Variants in ASTN1 observed in about 807,000 individuals in gnomAD.
ASTN1 encodes the protein astrotactin 1.
ASTN1 carries 41 observed loss-of-function variants against 140.7 expected under a neutral mutation model. The ratio of observed to expected loss-of-function variants is 0.29; its 90% confidence interval spans 0.23 to 0.38. The LOEUF is 0.38. Ranked by LOEUF, ASTN1 falls within the 10% of genes least tolerant of loss-of-function variation. The pLI, the probability that ASTN1 is intolerant of heterozygous loss-of-function variation, is 1.00. For missense variants in ASTN1, 1,479 were observed against 1,678.8 expected (o/e 0.88, Z 2.08); for synonymous variants, 640 against 652.2 (o/e 0.98, Z 0.29).
intron 8 of ASTN1, among the ~76,000 whole-genome samples, chr1:176,994,120 C>A (rs1029406270): frequency 6.6e-6 from 1 of 151,602 alleles, no homozygotes; most frequent in Non-Finnish European, 1.5e-5. Flanking sequence ...CGCCACCCAC[C>A]AATGAGAACT....
At chr1:177,014,467 A>G (rs1384970808) in intron 8 of ASTN1, among the ~76,000 whole-genome samples, 1 of 152,180 alleles carries the variant, frequency 6.6e-6, no homozygotes, top group African/African-American at 2.4e-5. Flanking sequence ...ATGTGTCTCC[A>G]ACAAAATCAT....
chr1:177,046,074 T>G (rs1411783217), intron 2 of ASTN1, among the ~76,000 whole-genome samples: 1 of 152,190 alleles, frequency 6.6e-6, no homozygotes, highest in African/African-American at 2.4e-5. Context: ...AAATTTGGCT[T>G]AACAGGAGAA....
intron 8 of ASTN1, among the ~76,000 whole-genome samples, chr1:176,988,601 A>C (rs202192597): frequency 1.3e-5 from 2 of 152,224 alleles, no homozygotes; most frequent in East Asian, 3.8e-4. Context: ...TCTACCCTTG[A>C]ATATGAAGCT....
intron 16 of ASTN1, among the ~76,000 whole-genome samples, chr1:176,911,224 G>A (rs1392954946): frequency 2.0e-5 from 3 of 152,190 alleles, no homozygotes; most frequent in African/African-American, 7.2e-5. Flanking sequence ...TCCAGGACTG[G>A]AAGCTGCCCT....
At chr1:177,028,481 C>T (rs1034044030) in intron 5 of ASTN1, among the ~76,000 whole-genome samples, 1 of 152,156 alleles carries the variant, frequency 6.6e-6, no homozygotes, top group Non-Finnish European at 1.5e-5. Flanking sequence ...AGGGCTTCTT[C>T]AAATCTCTGG....
At chr1:176,969,019 C>T (rs1434043385) in intron 8 of ASTN1, among the ~76,000 whole-genome samples, 5 of 152,146 alleles carry the variant, frequency 3.3e-5, no homozygotes, top group South Asian at 2.1e-4. Context: ...CAGGAAAAGG[C>T]GGGGCAAAGT....
intron 8 of ASTN1, among the ~76,000 whole-genome samples, chr1:177,006,253 G>T (rs1166424682): frequency 6.6e-6 from 1 of 152,108 alleles, no homozygotes; most frequent in Non-Finnish European, 1.5e-5. Flanking sequence ...GTGATTATGA[G>T]AGAGAACAAA....
rs555523537 is a variant in ASTN1 at position 177,004,225 on chromosome 1, C to T, written c.1523+10566G>A. On this transcript the variant is annotated intron_variant, in intron 8 of 22. Coordinates refer to ENST00000361833, the MANE Select transcript of ASTN1 (RefSeq NM_004319.3). ...AAGAACTCAATCTCTTTTACAATAG[C>T]GACAAAAAAAAAATACCTAGGAAAA... Among the ~76,000 whole-genome samples, 43 of 150,836 alleles carry T rather than the reference C, an allele frequency of 2.9e-4. 1 individual carries two copies. Among genetic ancestry groups the T allele is most frequent in the African/African-American group, 9.5e-4 (39 of 41,194 alleles).
At chr1:176,960,684 G>C (rs1169182252) in intron 9 of ASTN1, among the ~76,000 whole-genome samples, 1 of 152,164 alleles carries the variant, frequency 6.6e-6, no homozygotes, top group Non-Finnish European at 1.5e-5. Context: ...GGCTTCTTCT[G>C]CTTCTTTTTT....
At chr1:177,108,347 C>CG (rs1680649403) in intron 1 of ASTN1, among the ~76,000 whole-genome samples, 1 of 98,598 alleles carries the variant, frequency 1.0e-5, no homozygotes, top group Non-Finnish European at 2.0e-5. Context: ...GACTCCGTCT[C>CG]AAAAAAAAAA....
At chr1:177,127,111 T>C (rs1681693531) in intron 1 of ASTN1, among the ~76,000 whole-genome samples, 1 of 151,756 alleles carries the variant, frequency 6.6e-6, no homozygotes, top group Non-Finnish European at 1.5e-5. Context: ...TAGGTCACAC[T>C]CACATGGGCT....
chr1:176,915,683 C>T (rs1670449339), intron 16 of ASTN1, among the ~76,000 whole-genome samples: 1 of 152,058 alleles, frequency 6.6e-6, no homozygotes, highest in Non-Finnish European at 1.5e-5. Context: ...CATCTATAAA[C>T]ATGAAAACAC....
chr1:176,918,646 G>C (rs1670595245), intron 16 of ASTN1, among the ~76,000 whole-genome samples: 1 of 152,036 alleles, frequency 6.6e-6, no homozygotes, highest in Admixed American at 6.6e-5. Context: ...TTTCTTCTCT[G>C]TGTCCTTTCC....
chr1:177,034,921 GT>G (rs1378249400), intron 2 of ASTN1, among the ~76,000 whole-genome samples: 1 of 152,164 alleles, frequency 6.6e-6, no homozygotes, highest in Non-Finnish European at 1.5e-5. Context: ...TAAACACTAT[GT>G]TTTTTGCTCA....
chr1:177,069,139 G>A (rs146071971), intron 1 of ASTN1, among the ~76,000 whole-genome samples: 1 of 152,114 alleles, frequency 6.6e-6, no homozygotes, highest in African/African-American at 2.4e-5. Context: ...AGGAGTGGCT[G>A]TATTGAAACT....
rs775870499 is a variant in ASTN1, at chr1:176,936,344, C to A, written c.2404G>T (p.Gly802Trp). Reference protein sequence around the residue: ...TGMVNFSEVSGYPVLQHWKVR... With the variant: ...TGMVNFSEVSWYPVLQHWKVR... ...TTCCAGTGCTGCAGCACAGGGTACC[C>A]AGACACTTCACTGAAGTTCACCATC... is the stretch of plus-strand genomic sequence containing the variant. Residue 802 changes from glycine (G) to tryptophan (W), a missense_variant, in exon 15 of 23, where the codon GGG becomes TGG. By Grantham distance (184) the Gly-to-Trp change is radical. Transcript: ENST00000361833. The A allele has an allele frequency of 2.5e-6, 4 of 1,613,120 alleles. No homozygotes were observed. Among genetic ancestry groups the A allele is most frequent in the Non-Finnish European group, 2.5e-6 (3 of 1,179,944 alleles).
intron 8 of ASTN1, 144 bp downstream of exon 8, chr1:177,014,647 G>A (rs1675451868): frequency 3.0e-6 from 2 of 676,868 alleles, no homozygotes; most frequent in South Asian, 4.0e-5. Flanking sequence ...AATATGGAAA[G>A]GCATAGTGAC....
chr1:177,035,673 A>G (rs1007155536), intron 2 of ASTN1, among the ~76,000 whole-genome samples: 2 of 152,192 alleles, frequency 1.3e-5, no homozygotes, highest in African/African-American at 4.8e-5. Context: ...CTTTCAACTT[A>G]GGGACCCATT....
At chr1:176,878,518 A>G (rs564264616) in intron 20 of ASTN1, among the ~76,000 whole-genome samples, 59 of 150,086 alleles carry the variant, frequency 3.9e-4, no homozygotes, top group African/African-American at 1.4e-3. Flanking sequence ...ATTTTGCATC[A>G]TTTGGCCCCA....
Sources: allele counts gnomAD v4.1 joint callset (sites outside exome capture counted in the v4.1 genomes callset), GRCh38; gene constraint gnomAD v4.1.1; transcripts MANE v1.5; gene names NCBI Gene and HGNC (gene_info 2026-07-23, HGNC 2026-07-21).